PRDM2: variants seen among roughly 807,000 people sequenced by gnomAD.
PRDM2 encodes PR domain zinc finger protein 2.
Under a neutral mutation model 130.0 loss-of-function variants are expected in PRDM2, and 30 were observed. That is an observed-to-expected ratio of 0.23 (90% CI 0.17 to 0.31). The LOEUF (loss-of-function observed/expected upper bound fraction) is 0.31. PRDM2 is among the 10% of genes least tolerant of loss of function. The pLI, the probability that PRDM2 is intolerant of heterozygous loss-of-function variation, is 1.00. For synonymous variants in PRDM2, 871 were observed against 782.4 expected, an observed-to-expected ratio of 1.11 and a Z score of -1.89; for missense variants, 2,011 against 2,108.4, an observed-to-expected ratio of 0.95 and a Z score of 0.90.
chr1:13,711,286 A>T (rs189455094), intron 1 of PRDM2, among the ~76,000 whole-genome samples: 4 of 152,328 alleles, frequency 2.6e-5, no homozygotes, highest in Admixed American at 2.0e-4. Context: ...TATGAAGGTT[A>T]TGTAGGATTG....
intron 2 of PRDM2, among the ~76,000 whole-genome samples, chr1:13,717,721 T>C (rs1642590060): frequency 6.6e-6 from 1 of 152,120 alleles, no homozygotes; most frequent in South Asian, 2.1e-4. Flanking sequence ...CGTTTTGCTT[T>C]TGACAAGTTT....
intron 5 of PRDM2, among the ~76,000 whole-genome samples, chr1:13,742,440 G>A (rs958944061): frequency 1.3e-5 from 2 of 152,134 alleles, no homozygotes; most frequent in Non-Finnish European, 2.9e-5. Context: ...GGGCTCAAGC[G>A]ATCTACCTGC....
intron 8 of PRDM2, among the ~76,000 whole-genome samples, chr1:13,812,337 G>A (rs1424809955): frequency 6.6e-6 from 1 of 152,108 alleles, no homozygotes; most frequent in Non-Finnish European, 1.5e-5. Flanking sequence ...CACAGCGGGG[G>A]GTCTCACAGG....
At chr1:13,762,852 C>T (rs983986110) in intron 6 of PRDM2, among the ~76,000 whole-genome samples, 2 of 152,106 alleles carry the variant, frequency 1.3e-5, no homozygotes, top group African/African-American at 2.4e-5. Context: ...TGTGTCGGTC[C>T]GTGAGTGCTC....
rs1027546472 is a variant in PRDM2 at position 13,803,698 on chromosome 1, G to A, written c.5037-12729G>A. ...CAGCAAAAGAGGCAGCCACAGCCGG[G>A]GGCTTTCCCCGCGGGCAGGTTCTCC... is the stretch of plus-strand genomic sequence containing the variant. On this transcript the variant is annotated intron_variant, in intron 8 of 9. Coordinates refer to ENST00000311066, the MANE Select transcript of PRDM2 (RefSeq NM_001393986.1). The surrounding 1 kb of genome is among the most constrained non-coding windows in gnomAD (Gnocchi z 6.2). 6.6e-6 allele frequency among the ~76,000 whole-genome samples: 1 copy of A among 152,156 alleles called. No individual in the cohort carries two copies. The highest frequency in any genetic ancestry group is 1.9e-4 in the East Asian group (1 of 5,180).
chr1:13,705,981 CAAAAAAAA>C (rs61072408), intron 1 of PRDM2, among the ~76,000 whole-genome samples: 1 of 56,776 alleles, frequency 1.8e-5, no homozygotes, highest in Non-Finnish European at 3.8e-5. Flanking sequence ...GACTCCGTCT[CAAAAAAAA>C]AAAAAAAAAA....
chr1:13,749,105 G>A (rs1208012896), intron 5 of PRDM2, among the ~76,000 whole-genome samples: 4 of 152,110 alleles, frequency 2.6e-5, no homozygotes, highest in Admixed American at 2.6e-4. Context: ...CAGCACCCGG[G>A]CTCCGCTACC....
chr1:13,762,031 G>A (rs1229705301), intron 6 of PRDM2, among the ~76,000 whole-genome samples: 2 of 152,236 alleles, frequency 1.3e-5, no homozygotes, highest in Admixed American at 6.5e-5. Flanking sequence ...AACATATGCC[G>A]ACAATTTAGA....
chr1:13,737,418 T>C (rs1373393912), intron 4 of PRDM2, among the ~76,000 whole-genome samples: 3 of 152,172 alleles, frequency 2.0e-5, no homozygotes, highest in Non-Finnish European at 4.4e-5. Context: ...AGTTGAGCAG[T>C]GGTGATGGAG....
intron 8 of PRDM2, among the ~76,000 whole-genome samples, chr1:13,791,168 T>C (rs905955160): frequency 3.9e-5 from 6 of 152,100 alleles, no homozygotes; most frequent in Admixed American, 2.0e-4. Flanking sequence ...CAGGACGCAG[T>C]ACCTTCTCCA....
At chr1:13,727,185 T>C (rs999679273) in intron 2 of PRDM2, among the ~76,000 whole-genome samples, 1 of 152,186 alleles carries the variant, frequency 6.6e-6, no homozygotes, top group Admixed American at 6.5e-5. Flanking sequence ...TCCCCAATAT[T>C]GTCACAGATT....
intron 6 of PRDM2, among the ~76,000 whole-genome samples, chr1:13,756,228 A>C (rs1643948690): frequency 6.7e-6 from 1 of 149,758 alleles, no homozygotes; most frequent in Non-Finnish European, 1.5e-5. Flanking sequence ...GCGCCACAGC[A>C]CTCCAGCCTG....
In PRDM2 at chr1:13,817,488, A is replaced by G. The variant is rs77707820; in HGVS notation, c.*23+918A>G. 2.1e-3 allele frequency among the ~76,000 whole-genome samples: 314 copies of G among 152,060 alleles called. 4 individuals carry two copies. The highest frequency in any genetic ancestry group is 7.4e-3 in the African/African-American group (305 of 41,460). ...TGGATTCTGCTGGTGACCCACGAGCAGGCTTGGCCCTCCCTGTTGGTGACA... is the reference window on the plus strand; with the variant it reads ...TGGATTCTGCTGGTGACCCACGAGCGGGCTTGGCCCTCCCTGTTGGTGACA... On this transcript the variant is annotated intron_variant, in intron 9 of 9. Coordinates refer to ENST00000311066, the MANE Select transcript of PRDM2 (RefSeq NM_001393986.1).
intron 9 of PRDM2, among the ~76,000 whole-genome samples, chr1:13,821,163 T>TTAATAA (rs113961715): frequency 4.6e-5 from 7 of 151,964 alleles, no homozygotes; most frequent in African/African-American, 1.5e-4. Flanking sequence ...GCGAAATGGG[T>TTAATAA]TAATAATAAT....
chr1:13,787,408 A>G (rs1644764237), intron 8 of PRDM2: 1 of 984,284 alleles, frequency 1.0e-6, no homozygotes, highest in African/African-American at 1.7e-5. Flanking sequence ...CTTACATTTT[A>G]TGCCTCCCCC....
intron 8 of PRDM2, among the ~76,000 whole-genome samples, chr1:13,802,232 C>A (rs1416681010): frequency 6.6e-6 from 1 of 152,198 alleles, no homozygotes; most frequent in African/African-American, 2.4e-5. Context: ...CGTTCAGGCA[C>A]CAAGTGAGCG....
intron 8 of PRDM2, chr1:13,786,427 T>A: frequency 1.3e-6 from 2 of 1,529,574 alleles, no homozygotes; most frequent in African/African-American, 1.4e-5. Context: ...ACATTTGTCT[T>A]ACGGTCTATT....
intron 8 of PRDM2, among the ~76,000 whole-genome samples, chr1:13,791,760 G>T (rs998744941): frequency 6.6e-6 from 1 of 152,218 alleles, no homozygotes; most frequent in Non-Finnish European, 1.5e-5. Context: ...TTAATTGTGA[G>T]TCATTAAAAG....
intron 2 of PRDM2, among the ~76,000 whole-genome samples, chr1:13,721,150 A>C (rs1389343775): frequency 2.0e-5 from 3 of 152,096 alleles, no homozygotes; most frequent in African/African-American, 4.8e-5. Context: ...TTTGGTCTTT[A>C]TACTGTTTCT....
Sources: allele counts gnomAD v4.1 joint callset (sites outside exome capture counted in the v4.1 genomes callset), GRCh38; gene constraint gnomAD v4.1.1; non-coding constraint Gnocchi (gnomAD v3.1); transcripts MANE v1.5; gene names NCBI Gene and HGNC (gene_info 2026-07-23, HGNC 2026-07-21).